GRAMD4: variants seen among roughly 807,000 people sequenced by gnomAD.
GRAMD4 encodes the protein GRAM domain-containing protein 4.
GRAMD4 carries 25 observed loss-of-function variants against 83.9 expected under a neutral mutation model. The observed-to-expected ratio is 0.30, with a 90% CI of 0.22 to 0.42. The LOEUF (loss-of-function observed/expected upper bound fraction) is 0.42, where lower values mean the gene tolerates loss of function less well. GRAMD4 is among the 10% of genes least tolerant of loss of function. GRAMD4 has a pLI of 1.00. For missense variants in GRAMD4, 593 were observed against 788.7 expected (o/e 0.75, Z 2.97); for synonymous variants, 336 against 320.9 (o/e 1.05, Z -0.50).
intron 2 of GRAMD4, among the ~76,000 whole-genome samples, chr22:46,635,618 G>A (rs57330567): frequency 1.1e-4 from 6 of 56,302 alleles, no homozygotes; most frequent in African/African-American, 5.9e-4. Context: ...CCCCGCCCCC[G>A]GCCACTCCTG....
Position 46,588,534 on chromosome 22 carries a change from G to T in GRAMD4, c.-50+11244G>T, listed in dbSNP as rs573272417. ...GGAGCTGTGGCCTCTGGCCAGCCAC[G>T]TTCTAAGCTTTTACAAGGCCCCACC... On this transcript the variant is annotated intron_variant, in intron 1 of 1. Transcript: ENST00000431155. Among the ~76,000 whole-genome samples, 163 of 152,318 alleles carry T rather than the reference G, an allele frequency of 1.1e-3. 1 individual carries two copies. Among genetic ancestry groups the T allele is most frequent in the African/African-American group, 3.7e-3 (152 of 41,572 alleles).
intron 1 of GRAMD4, among the ~76,000 whole-genome samples, chr22:46,610,178 TGGATGGTGGCAAGGCCCACACA>T (rs2081403556): frequency 6.6e-6 from 1 of 152,188 alleles, no homozygotes; most frequent in Non-Finnish European, 1.5e-5. Flanking sequence ...TTAAGAGGAC[TGGATGGTGGCAAGGCCCACACA>T]TGAATCTGTG....
At position 46,679,167 on chromosome 22, in the gene GRAMD4, C is replaced by T; in HGVS notation, c.*1916C>T. On this transcript the variant is annotated 3_prime_UTR_variant, in exon 19 of 19. Transcript: ENST00000406902. ...TCTCTCCCCAGGGCCCGGCAGTGCC[C>T]AAGGATGGGTCCGGGGCCTCGGGGC... 5 of 985,168 alleles carry T rather than the reference C, an allele frequency of 5.1e-6. No homozygotes were observed. Among genetic ancestry groups the T allele is most frequent in the Non-Finnish European group, 6.0e-6 (5 of 829,648 alleles). 61.0% of individuals were successfully genotyped at this position (985,168 alleles called of 1,614,324 possible). A position where few individuals can be genotyped will look rare whatever the true frequency, so the allele number is the denominator to read the frequency against.
At chr22:46,619,919 G>T (rs2081549822), upstream of GRAMD4, among the ~76,000 whole-genome samples, 1 of 152,186 alleles carries the variant, frequency 6.6e-6, no homozygotes, top group African/African-American at 2.4e-5. Context: ...TGGCGGCTGT[G>T]GGAAAGCGGA....
intron 15 of GRAMD4, among the ~76,000 whole-genome samples, chr22:46,674,389 G>A (rs1480208544): frequency 6.6e-6 from 1 of 152,180 alleles, no homozygotes; most frequent in African/African-American, 2.4e-5. Context: ...GTGGTGTCCC[G>A]GCCACACTGT....
intron 1 of GRAMD4, among the ~76,000 whole-genome samples, chr22:46,583,401 C>T (rs566177202): frequency 6.6e-6 from 1 of 152,268 alleles, no homozygotes; most frequent in South Asian, 2.1e-4. Flanking sequence ...AGCCAAAGTA[C>T]ATAGTTTGTT....
At chr22:46,609,152 T>A (rs958190486) in intron 1 of GRAMD4, among the ~76,000 whole-genome samples, 5 of 152,026 alleles carry the variant, frequency 3.3e-5, no homozygotes, top group African/African-American at 1.2e-4. Flanking sequence ...TTTTTTTTTG[T>A]TTTTTCTTGG....
In GRAMD4 at chr22:46,622,691, A is replaced by C. The variant is rs1393711381; in HGVS notation, c.-50+2126A>C. On this transcript the variant is annotated intron_variant, in intron 1 of 18. Coordinates refer to ENST00000406902, the MANE Select transcript of GRAMD4 (RefSeq NM_015124.5). The surrounding 1 kb of genome is among the most constrained non-coding windows in gnomAD (Gnocchi z 4.0). The stretch of plus-strand genomic sequence containing the variant: ...CACTTTGGGAGGCCGAGGCGGGTGG[A>C]TCACGAGGTCAGGAGATTGAGACCA... Among the ~76,000 whole-genome samples, 4 of 152,178 alleles carry C rather than the reference A, an allele frequency of 2.6e-5. No homozygotes were observed. Among genetic ancestry groups the C allele is most frequent in the Non-Finnish European group, 5.9e-5 (4 of 68,020 alleles).
At chr22:46,681,410 T>C (rs1440982314), downstream of GRAMD4, among the ~76,000 whole-genome samples, 1 of 152,254 alleles carries the variant, frequency 6.6e-6, no homozygotes, top group Non-Finnish European at 1.5e-5. Context: ...TTACGGGTGA[T>C]TGTGATAACT....
intron 2 of GRAMD4, among the ~76,000 whole-genome samples, chr22:46,633,088 G>A (rs2081800475): frequency 6.6e-6 from 1 of 152,226 alleles, no homozygotes; most frequent in African/African-American, 2.4e-5. Flanking sequence ...TCAGCCTCCA[G>A]GAAGCAGCCC....
chr22:46,663,130 A>G lies in GRAMD4; in HGVS notation c.557A>G (p.Glu186Gly). ...EYVEDFRFQP[E>G]ENTVETEEPL... ...GTGGAGGACTTCCGGTTCCAGCCCG[A>G]GGAGAACACTGTGGAGACAGAGGAA... The change falls in exon 6 of 19, where the codon GAG becomes GGG. Residue 186 changes from glutamate to glycine, a missense_variant. Transcript: ENST00000406902. 1 of 1,612,388 alleles carries G rather than the reference A, an allele frequency of 6.2e-7. No individual in the cohort carries two copies. Among genetic ancestry groups the G allele is most frequent in the Non-Finnish European group, 8.5e-7 (1 of 1,179,672 alleles).
intron 1 of GRAMD4, among the ~76,000 whole-genome samples, chr22:46,624,917 G>C (rs1461537587): frequency 6.8e-6 from 1 of 147,420 alleles, no homozygotes; most frequent in Non-Finnish European, 1.5e-5. Flanking sequence ...CTGGAGTGCA[G>C]TGGCGGGATC....
chr22:46,653,813 G>A (rs1030076462), intron 3 of GRAMD4, among the ~76,000 whole-genome samples: 1 of 152,188 alleles, frequency 6.6e-6, no homozygotes, highest in Non-Finnish European at 1.5e-5. Flanking sequence ...ACCTGGGAAA[G>A]TACCTGAGCC....
chr22:46,644,136 A>G (rs1395752072), intron 3 of GRAMD4, among the ~76,000 whole-genome samples: 1 of 152,138 alleles, frequency 6.6e-6, no homozygotes, highest in Non-Finnish European at 1.5e-5. Flanking sequence ...CCTGTAGGTC[A>G]CTCCAAGATG....
At chr22:46,632,134 G>A (rs924106293) in intron 2 of GRAMD4, among the ~76,000 whole-genome samples, 3 of 152,250 alleles carry the variant, frequency 2.0e-5, no homozygotes, top group African/African-American at 7.2e-5. Flanking sequence ...GCTGAGAGTA[G>A]AACCCAGACC....
intron 2 of GRAMD4, among the ~76,000 whole-genome samples, chr22:46,635,218 C>T (rs2081848186): frequency 1.4e-5 from 2 of 143,598 alleles, no homozygotes; most frequent in East Asian, 2.2e-4. Flanking sequence ...CACTCCTGTC[C>T]TGGGGGACCG....
At chr22:46,650,065 C>A (rs895715357) in intron 3 of GRAMD4, among the ~76,000 whole-genome samples, 3 of 152,130 alleles carry the variant, frequency 2.0e-5, no homozygotes, top group Non-Finnish European at 4.4e-5. Flanking sequence ...TGCGGGCCTC[C>A]GGGGATGCGG....
intron 5 of GRAMD4, among the ~76,000 whole-genome samples, chr22:46,661,669 C>T (rs531437202): frequency 1.3e-5 from 2 of 152,354 alleles, no homozygotes; most frequent in African/African-American, 4.8e-5. Context: ...TCATCATAGT[C>T]GTCATCACAA....
intron 1 of GRAMD4, among the ~76,000 whole-genome samples, chr22:46,603,515 C>CTTTTTTTTTTTTTTTTTTTTT (rs71192425): frequency 3.7e-5 from 3 of 81,588 alleles, no homozygotes; most frequent in African/African-American, 1.3e-4. Flanking sequence ...GGCCTCTTCT[C>CTTTTTTTTTTTTTTTTTTTTT]TTTTTTTTTT....
Sources: allele counts gnomAD v4.1 joint callset (sites outside exome capture counted in the v4.1 genomes callset), GRCh38; gene constraint gnomAD v4.1.1; non-coding constraint Gnocchi (gnomAD v3.1); transcripts MANE v1.5; gene names NCBI Gene and HGNC (gene_info 2026-07-23, HGNC 2026-07-21).